NRXN3: variants seen among roughly 807,000 people sequenced by gnomAD.
NRXN3 encodes neurexin 3.
NRXN3 carries 32 observed loss-of-function variants against 137.6 expected under a neutral mutation model. That is an observed-to-expected ratio of 0.23 (90% CI 0.18 to 0.31). NRXN3 has a LOEUF of 0.31. Ranked by LOEUF, NRXN3 falls within the 10% of genes least tolerant of loss-of-function variation. The pLI is 1.00. For synonymous variants in NRXN3, 798 were observed against 784.5 expected (o/e 1.02, Z -0.29); for missense variants, 1,574 against 2,062.5 (o/e 0.76, Z 4.59).
rs1555347071 is a variant in NRXN3 at position 79,272,216 on chromosome 14, G to GC, written c.3263-195005_3263-195004insC. 1.5e-4 allele frequency among the ~76,000 whole-genome samples: 20 copies of GC among 132,598 alleles called. No individual in the cohort carries two copies. In the East Asian group the frequency reaches 3.7e-3, roughly 25 times the overall value. 87.0% of individuals were successfully genotyped at this position (132,598 alleles called of 152,430 possible). The stretch of plus-strand genomic sequence containing the variant: ...TTGTGGCTGGTCTAATTTGGTTTAG[G>GC]TTTTTTTTTTTTTTTTTCCTGTTAG... On this transcript the variant is annotated intron_variant, in intron 15 of 20. Transcript: ENST00000335750.
chr14:78,563,112 G>T (rs28538310), intron 4 of NRXN3, among the ~76,000 whole-genome samples: 1 of 152,124 alleles, frequency 6.6e-6, no homozygotes, highest in Admixed American at 6.5e-5. Context: ...CTTCTCACAG[G>T]ATGGCAACTG....
intron 16 of NRXN3, among the ~76,000 whole-genome samples, chr14:79,498,579 A>C (rs541590911): frequency 9.8e-5 from 15 of 152,286 alleles, no homozygotes; most frequent in African/African-American, 3.6e-4. Flanking sequence ...CTTAGAACTC[A>C]TACCTCCCTT....
chr14:79,535,630 C>A (rs561777427), intron 16 of NRXN3, among the ~76,000 whole-genome samples: 10 of 152,078 alleles, frequency 6.6e-5, no homozygotes, highest in Admixed American at 5.9e-4. Flanking sequence ...ATGCTATATA[C>A]CAGGCATTCT....
intron 16 of NRXN3, among the ~76,000 whole-genome samples, chr14:79,565,730 G>A (rs569179051): frequency 6.6e-6 from 1 of 152,012 alleles, no homozygotes; most frequent in Non-Finnish European, 1.5e-5. Flanking sequence ...GGAAAGAGAT[G>A]TGTCTATTTA....
At chr14:78,359,319 G>A (rs538101865) in intron 4 of NRXN3, among the ~76,000 whole-genome samples, 10 of 152,232 alleles carry the variant, frequency 6.6e-5, no homozygotes, top group East Asian at 1.9e-4. Flanking sequence ...GGCAGTGGAC[G>A]TCTTAAAGGC....
At chr14:79,574,749 A>G (rs916914664) in intron 16 of NRXN3, among the ~76,000 whole-genome samples, 1 of 152,132 alleles carries the variant, frequency 6.6e-6, no homozygotes, top group Non-Finnish European at 1.5e-5. Context: ...TTGGCCCACA[A>G]TAAAGAAGAA....
intron 15 of NRXN3, among the ~76,000 whole-genome samples, chr14:79,145,446 A>AT (rs569526621): frequency 3.2e-4 from 48 of 152,132 alleles, no homozygotes; most frequent in African/African-American, 1.1e-3. Context: ...TAAAGGTGCT[A>AT]TTTTTTTACC....
intron 19 of NRXN3, among the ~76,000 whole-genome samples, chr14:79,731,320 T>A (rs953097683): frequency 6.6e-6 from 1 of 152,216 alleles, no homozygotes; most frequent in African/African-American, 2.4e-5. Context: ...TGCCTTTATT[T>A]TGAGCTGTGA....
chr14:78,471,192 A>G (rs993285397), intron 4 of NRXN3, among the ~76,000 whole-genome samples: 5 of 152,144 alleles, frequency 3.3e-5, no homozygotes, highest in Non-Finnish European at 5.9e-5. Context: ...GCTTATTGAA[A>G]GAGCTCATGT....
chr14:79,403,278 T>C (rs145444563), intron 15 of NRXN3, among the ~76,000 whole-genome samples: 1 of 152,288 alleles, frequency 6.6e-6, no homozygotes, highest in East Asian at 1.9e-4. Context: ...CTTAATCCTA[T>C]GCTAGGGATG....
At chr14:79,827,024 T>C (rs1056715701) in intron 20 of NRXN3, among the ~76,000 whole-genome samples, 5 of 152,122 alleles carry the variant, frequency 3.3e-5, no homozygotes, top group African/African-American at 4.8e-5. Flanking sequence ...TGCTTTTTAT[T>C]AGTGTTTTCA....
Position 78,584,096 on chromosome 14 carries a change from G to A in NRXN3, c.758-61024G>A, listed in dbSNP as rs543685814. Reference sequence around the variant, plus strand: ...AGAGTCTCTCTTCTATTAGGAGGTGGGGTCATGGTTAAAAAGAGCCACCTC... The same window carrying A: ...AGAGTCTCTCTTCTATTAGGAGGTGAGGTCATGGTTAAAAAGAGCCACCTC... On this transcript the variant is annotated intron_variant, in intron 4 of 20. Transcript: ENST00000335750. Among the ~76,000 whole-genome samples, 7 of 152,222 alleles carry A rather than the reference G, an allele frequency of 4.6e-5. No individual in the cohort carries two copies. In the South Asian group the frequency reaches 1.5e-3, roughly 32 times the overall value.
At chr14:78,540,971 T>C (rs1173390471) in intron 4 of NRXN3, among the ~76,000 whole-genome samples, 3 of 152,238 alleles carry the variant, frequency 2.0e-5, no homozygotes, top group African/African-American at 4.8e-5. Context: ...CTTGTAATGT[T>C]TCTGCTGAGA....
intron 15 of NRXN3, among the ~76,000 whole-genome samples, chr14:79,154,903 C>T (rs1307445097): frequency 6.6e-6 from 1 of 151,934 alleles, no homozygotes; most frequent in East Asian, 1.9e-4. Flanking sequence ...TTTGACTGAT[C>T]AACTGACCAG....
chr14:78,652,303 A>T (rs1292840136), intron 6 of NRXN3, among the ~76,000 whole-genome samples: 1 of 152,268 alleles, frequency 6.6e-6, no homozygotes, highest in East Asian at 1.9e-4. Flanking sequence ...CTTTGCCACT[A>T]CTTGTTTATT....
intron 2 of NRXN3, among the ~76,000 whole-genome samples, chr14:78,259,346 G>A (rs1318459423): frequency 3.3e-5 from 5 of 152,084 alleles, no homozygotes; most frequent in Non-Finnish European, 7.4e-5. Context: ...TCAGCAAACT[G>A]GTATTCTAAT....
chr14:78,576,840 A>G (rs1035882753), intron 4 of NRXN3, among the ~76,000 whole-genome samples: 2 of 152,186 alleles, frequency 1.3e-5, no homozygotes, highest in Non-Finnish European at 2.9e-5. Flanking sequence ...CCCTTGTTTC[A>G]AGGCTTATGA....
At chr14:79,116,136 G>A (rs2054395314) in intron 15 of NRXN3, among the ~76,000 whole-genome samples, 1 of 152,168 alleles carries the variant, frequency 6.6e-6, no homozygotes, top group Non-Finnish European at 1.5e-5. Flanking sequence ...ATGGTTCTCA[G>A]AACCTGGTCT....
intron 4 of NRXN3, among the ~76,000 whole-genome samples, chr14:78,644,587 A>G (rs2097668114): frequency 6.6e-6 from 1 of 152,152 alleles, no homozygotes; most frequent in Admixed American, 6.5e-5. Context: ...GCCATGTTCC[A>G]GGGGGCTTAG....
Sources: allele counts gnomAD v4.1 joint callset (sites outside exome capture counted in the v4.1 genomes callset), GRCh38; gene constraint gnomAD v4.1.1; transcripts MANE v1.5; gene names NCBI Gene and HGNC (gene_info 2026-07-23, HGNC 2026-07-21).